GID8: variants seen among roughly 807,000 people sequenced by gnomAD.
The protein encoded by GID8 is GID complex subunit 8 homolog, also known as glucose-induced degradation protein 8 homolog.
Under a neutral mutation model 27.4 loss-of-function variants are expected in GID8, and 6 were observed. That is an observed-to-expected ratio of 0.22 (90% CI 0.12 to 0.43). GID8 has a LOEUF of 0.43. Ranked by LOEUF, GID8 falls within the 20% of genes least tolerant of loss-of-function variation. The pLI is 1.00. For missense variants in GID8, 173 were observed against 287.6 expected (o/e 0.60, Z 2.88); for synonymous variants, 112 against 109.0 (o/e 1.03, Z -0.17).
In GID8 at chr20:62,945,679, C is replaced by G. The variant is rs2065463302; in HGVS notation, c.*767C>G. On this transcript the variant is annotated 3_prime_UTR_variant, in exon 5 of 5. Transcript: ENST00000266069. The stretch of plus-strand genomic sequence containing the variant: ...AAAGATGTTAATCATCTCAAATGAC[C>G]TTTTGTCTTTGGGGCGTTCTTCCCC... 6.8e-6 allele frequency: 8 copies of G among 1,183,278 alleles called. No homozygotes were observed. The South Asian group carries it at 1.2e-4, about 18-fold the overall frequency. The allele number at this position is 1,183,278 out of a possible 1,614,324, so 73.3% of individuals were successfully genotyped here. A position where few individuals can be genotyped will look rare whatever the true frequency, so the allele number is the denominator to read the frequency against.
chr20:62,942,079 A>T (rs770969530), intron 2 of GID8, among the ~76,000 whole-genome samples: 1 of 152,168 alleles, frequency 6.6e-6, no homozygotes, highest in Non-Finnish European at 1.5e-5. Flanking sequence ...TATGGCAAGA[A>T]AATAGATGTT....
chr20:62,941,104 T>G (rs1244238501), intron 1 of GID8, among the ~76,000 whole-genome samples: 1 of 152,244 alleles, frequency 6.6e-6, no homozygotes, highest in Non-Finnish European at 1.5e-5. Context: ...CTCAGGTGGG[T>G]GGCTTCCACA....
rs1022873569 is a variant in GID8, at chr20:62,945,492, G to A, written c.*580G>A. The A allele has an allele frequency of 4.9e-6, 5 of 1,030,786 alleles. No individual in the cohort carries two copies. The highest frequency in any genetic ancestry group is 3.4e-5 in the South Asian group (1 of 29,520). The allele number at this position is 1,030,786 out of a possible 1,614,324, so 63.9% of individuals were successfully genotyped here. A position where few individuals can be genotyped will look rare whatever the true frequency, so the allele number is the denominator to read the frequency against. On this transcript the variant is annotated 3_prime_UTR_variant, in exon 5 of 5. Coordinates refer to ENST00000266069, the MANE Select transcript of GID8 (RefSeq NM_017896.3). ...GGGTTGTGTGGCTTTTGGGGGATGC[G>A]TGTGAGGGGGCTATGTGTTTTTTAA... is the stretch of plus-strand genomic sequence containing the variant.
chr20:62,939,510 C>G (rs534055251), intron 1 of GID8, among the ~76,000 whole-genome samples: 1 of 151,894 alleles, frequency 6.6e-6, no homozygotes, highest in East Asian at 1.9e-4. Flanking sequence ...TCTCCAGACG[C>G]ATGTCTAATA....
rs1243997306 is a variant in GID8 at position 62,945,418 on chromosome 20, A to T, written c.*506A>T. 159 of 986,160 alleles carry T rather than the reference A, an allele frequency of 1.6e-4. No individual in the cohort carries two copies. The highest frequency in any genetic ancestry group is 1.9e-4 in the Non-Finnish European group (156 of 829,782). The allele number at this position is 986,160 out of a possible 1,614,324, so 61.1% of individuals were successfully genotyped here. A position where few individuals can be genotyped will look rare whatever the true frequency, so the allele number is the denominator to read the frequency against. On this transcript the variant is annotated 3_prime_UTR_variant, in exon 5 of 5. Coordinates refer to ENST00000266069, the MANE Select transcript of GID8 (RefSeq NM_017896.3). The stretch of plus-strand genomic sequence containing the variant: ...TAAATTTGTAAATCCTAATTCAAAG[A>T]TGGCTCATGTGTGAGGGCATTGAGT...
rs781504694 is a variant in GID8 at position 62,945,956 on chromosome 20, C to G, written c.*1044C>G. ...CCGATGTCCTGCTTCTGTTCACTCA[C>G]AGAACTGTCCCCTGCTCCGTGGTGG... On this transcript the variant is annotated 3_prime_UTR_variant, in exon 5 of 5. Coordinates refer to ENST00000266069, the MANE Select transcript of GID8 (RefSeq NM_017896.3). The G allele has an allele frequency of 7.8e-7, 1 of 1,289,476 alleles. No individual in the cohort carries two copies. The highest frequency in any genetic ancestry group is 1.0e-6 in the Non-Finnish European group (1 of 988,870). The allele number at this position is 1,289,476 out of a possible 1,614,324, so 79.9% of individuals were successfully genotyped here.
intron 1 of GID8, among the ~76,000 whole-genome samples, chr20:62,940,987 G>A (rs55726177): frequency 0.069 from 10,523 of 152,252 alleles, 550 homozygotes; most frequent in Non-Finnish European, 0.099. Flanking sequence ...CCAAATAATC[G>A]TTGTACATTG....
At position 62,946,076 on chromosome 20, in the gene GID8, G is replaced by A. The variant is rs566726089; in HGVS notation, c.*1164G>A. On this transcript the variant is annotated 3_prime_UTR_variant, in exon 5 of 5. Transcript: ENST00000266069. Reference sequence around the variant, plus strand: ...TGTAGCTCTGGGCACAGATGTGTTTGGATTCATTGCAGCGGACCACCGGGC... The same window carrying A: ...TGTAGCTCTGGGCACAGATGTGTTTAGATTCATTGCAGCGGACCACCGGGC... 283 of 1,230,500 alleles carry A rather than the reference G, an allele frequency of 2.3e-4. 3 individuals are homozygous for A. Among genetic ancestry groups the A allele is most frequent in the Middle Eastern group, 6.5e-4 (3 of 4,586 alleles). 76.2% of individuals were successfully genotyped at this position (1,230,500 alleles called of 1,614,324 possible). A position where few individuals can be genotyped will look rare whatever the true frequency, so the allele number is the denominator to read the frequency against.
chr20:62,941,772 T>C (rs1223463892), intron 2 of GID8, 152 bp downstream of exon 2: 4 of 619,918 alleles, frequency 6.5e-6, no homozygotes, highest in African/African-American at 3.6e-5. Flanking sequence ...TTGGAAGTTA[T>C]CATGTGAAAG....
Position 62,945,445 on chromosome 20 carries a change from T to A in GID8, c.*533T>A. On this transcript the variant is annotated 3_prime_UTR_variant, in exon 5 of 5. Transcript: ENST00000266069. ...GGCTCATGTGTGAGGGCATTGAGTT[T>A]GATTTGTTTTCCCTTTGGTCTGGGT... The A allele has an allele frequency of 1.0e-6, 1 of 995,136 alleles. No individual in the cohort carries two copies. The highest frequency in any genetic ancestry group is 4.4e-5 in the South Asian group (1 of 22,840). The allele number at this position is 995,136 out of a possible 1,614,324, so 61.6% of individuals were successfully genotyped here.
chr20:62,945,337 T>A lies in GID8; in HGVS notation c.*425T>A, dbSNP rs775409577. ...TGGGCCTTCACCTACAAGTTTTTCC[T>A]TACCCCTGTGGTTTTTGTGTTTTTT... On this transcript the variant is annotated 3_prime_UTR_variant, in exon 5 of 5. Coordinates refer to ENST00000266069, the MANE Select transcript of GID8 (RefSeq NM_017896.3). 8.0e-6 allele frequency: 8 copies of A among 994,012 alleles called. No homozygotes were observed. Among genetic ancestry groups the A allele is most frequent in the Non-Finnish European group, 9.6e-6 (8 of 835,282 alleles). The allele number at this position is 994,012 out of a possible 1,614,324, so 61.6% of individuals were successfully genotyped here. A position where few individuals can be genotyped will look rare whatever the true frequency, so the allele number is the denominator to read the frequency against.
In GID8 at chr20:62,943,195, G is replaced by C. The variant is rs2065450980; in HGVS notation, c.315+12G>C. The C allele has an allele frequency of 4.4e-6, 7 of 1,586,956 alleles. No homozygotes were observed. The highest frequency in any genetic ancestry group is 1.7e-4 in the Middle Eastern group (1 of 5,986). On this transcript the variant is annotated intron_variant, in intron 3 of 4. Coordinates refer to ENST00000266069, the MANE Select transcript of GID8 (RefSeq NM_017896.3). This position sits in a 1 kb window ranked among gnomAD's most constrained non-coding sequence, Gnocchi z 4.7. ...ACTTCCATTTGCAGGTATGTTTCAGGAGAGAGTAGTCTGGTTTGTGAATAC... is the reference window on the plus strand; with the variant it reads ...ACTTCCATTTGCAGGTATGTTTCAGCAGAGAGTAGTCTGGTTTGTGAATAC...
intron 1 of GID8, among the ~76,000 whole-genome samples, chr20:62,939,208 G>C (rs1254957600): frequency 2.6e-5 from 4 of 152,096 alleles, no homozygotes; most frequent in Non-Finnish European, 5.9e-5. Flanking sequence ...AGTTGACAAC[G>C]AAAGATGGGT....
At chr20:62,941,448 G>A in intron 1 of GID8, 43 bp from the exon 2 acceptor site, 1 of 1,054,132 alleles carries the variant, frequency 9.5e-7, no homozygotes, top group Non-Finnish European at 1.5e-6. Flanking sequence ...GCCCTTGGAG[G>A]AGCATCTAAA....
chr20:62,946,638 G>A lies in GID8; in HGVS notation c.*1726G>A, dbSNP rs983958225. On this transcript the variant is annotated 3_prime_UTR_variant, in exon 5 of 5. Coordinates refer to ENST00000266069, the MANE Select transcript of GID8 (RefSeq NM_017896.3). ...TGCCCTTTAGATTTTGTAAGGATGCGGTGCTGGGGAGGTGGTGCTTCCCTA... is the reference window on the plus strand; with the variant it reads ...TGCCCTTTAGATTTTGTAAGGATGCAGTGCTGGGGAGGTGGTGCTTCCCTA... The A allele has an allele frequency of 9.2e-5, 14 of 152,400 alleles. No individual in the cohort carries two copies. The highest frequency in any genetic ancestry group is 7.7e-4 in the East Asian group (4 of 5,184). 9.4% of individuals were successfully genotyped at this position (152,400 alleles called of 1,614,324 possible).
chr20:62,940,918 AC>A (rs1364688229), intron 1 of GID8, among the ~76,000 whole-genome samples: 3 of 152,276 alleles, frequency 2.0e-5, no homozygotes, highest in Admixed American at 1.3e-4. Context: ...TGAAGAAATA[AC>A]GTCTGATGAT....
Position 62,945,159 on chromosome 20 carries a change from G to A in GID8, c.*247G>A. 3 of 1,283,530 alleles carry A rather than the reference G, an allele frequency of 2.3e-6. No homozygotes were observed. The highest frequency in any genetic ancestry group is 4.1e-5 in the South Asian group (2 of 48,572). The allele number at this position is 1,283,530 out of a possible 1,614,324, so 79.5% of individuals were successfully genotyped here. The stretch of plus-strand genomic sequence containing the variant: ...ACTCTGGCACTCGCTGAAGAATCTG[G>A]AAGGTTGCGGTTTGCTCTTCCAGTG... On this transcript the variant is annotated 3_prime_UTR_variant, in exon 5 of 5. Coordinates refer to ENST00000266069, the MANE Select transcript of GID8 (RefSeq NM_017896.3).
At chr20:62,938,870 G>A (rs2065422469) in intron 1 of GID8, 1 of 152,250 alleles carries the variant, frequency 6.6e-6, no homozygotes, top group African/African-American at 2.4e-5. Context: ...AGGGCCGGGC[G>A]CGGTGGCGGA....
At position 62,945,876 on chromosome 20, in the gene GID8, G is replaced by T; in HGVS notation, c.*964G>T. 7.8e-7 allele frequency: 1 copy of T among 1,289,710 alleles called. No individual in the cohort carries two copies. 79.9% of individuals were successfully genotyped at this position (1,289,710 alleles called of 1,614,324 possible). A position where few individuals can be genotyped will look rare whatever the true frequency, so the allele number is the denominator to read the frequency against. On this transcript the variant is annotated 3_prime_UTR_variant, in exon 5 of 5. Transcript: ENST00000266069. ...GAAGGAACGCGTGTTCATCCTCAGT[G>T]ATCTGCCCTCCAGCATCTCGGCAGC...
Sources: gnomAD v4.1 joint callset for allele counts (sites outside exome capture counted in the v4.1 genomes callset) on GRCh38, gnomAD v4.1.1 for gene constraint, Gnocchi (gnomAD v3.1) non-coding constraint, MANE v1.5 for transcripts, NCBI Gene and HGNC (gene_info 2026-07-23, HGNC 2026-07-21) for gene names.